POLN: variants seen among roughly 807,000 people sequenced by gnomAD.
POLN encodes the protein DNA polymerase nu.
Under a neutral mutation model 113.5 loss-of-function variants are expected in POLN, and 108 were observed. The ratio of observed to expected loss-of-function variants is 0.95; its 90% CI spans 0.81 to 1.12. The LOEUF (loss-of-function observed/expected upper bound fraction) is 1.12, where lower values mean the gene tolerates loss of function less well. POLN is among the 50% of genes most tolerant of loss of function. POLN has a pLI of 0.00. For synonymous variants in POLN, 386 were observed against 391.5 expected (o/e 0.99, Z 0.17); for missense variants, 1,097 against 1,077.1 (o/e 1.02, Z -0.26).
At chr4:2,129,282 A>G in intron 17 of POLN, 26 bp from the exon 18 acceptor site, 2 of 1,506,500 alleles carry the variant, frequency 1.3e-6, no homozygotes, top group Non-Finnish European at 1.8e-6. Context: ...AAGAGCATTT[A>G]GTGAATTTGG....
At chr4:2,211,250 AAAT>A (rs71167780) in intron 4 of POLN, among the ~76,000 whole-genome samples, 30,019 of 139,594 alleles carry the variant, frequency 0.22, 3,301 homozygotes, top group Admixed American at 0.31. Context: ...CTCCGTCTCC[AAAT>A]AATAATAATA....
chr4:2,220,640 T>C (rs1414712013), intron 3 of POLN, among the ~76,000 whole-genome samples: 2 of 152,230 alleles, frequency 1.3e-5, no homozygotes, highest in Admixed American at 6.5e-5. Flanking sequence ...CTGCTCTTGC[T>C]GGATTCTTTA....
At chr4:2,178,393 C>G (rs921230402) in intron 8 of POLN, among the ~76,000 whole-genome samples, 1 of 152,372 alleles carries the variant, frequency 6.6e-6, no homozygotes, top group Non-Finnish European at 1.5e-5. Context: ...TACCATGTAA[C>G]TGTTCACTGA....
intron 14 of POLN, among the ~76,000 whole-genome samples, chr4:2,158,303 C>A (rs1008496032): frequency 6.6e-6 from 1 of 152,100 alleles, no homozygotes; most frequent in Non-Finnish European, 1.5e-5. Context: ...GTGCCGGGCA[C>A]GTGCTGCTAC....
At chr4:2,170,827 A>G in intron 12 of POLN, 53 bp from the exon 13 acceptor site, 1 of 1,494,342 alleles carries the variant, frequency 6.7e-7, no homozygotes, top group Non-Finnish European at 9.3e-7. Flanking sequence ...TGAGAGAAAC[A>G]GAACATTACT....
At chr4:2,174,052 G>C (rs368689678) in intron 10 of POLN, 33 bp from the exon 11 acceptor site, 19 of 1,602,928 alleles carry the variant, frequency 1.2e-5, no homozygotes, top group Middle Eastern at 3.3e-4. Context: ...GATCATATTT[G>C]CATTAATGTA....
intron 20 of POLN, chr4:2,090,089 AG>A: frequency 1.1e-6 from 1 of 928,186 alleles, no homozygotes; most frequent in East Asian, 2.6e-5. Flanking sequence ...GAAAAATCAA[AG>A]GGTTTGCTAC....
intron 21 of POLN, among the ~76,000 whole-genome samples, chr4:2,085,008 T>G (rs1483313718): frequency 6.6e-6 from 1 of 152,266 alleles, no homozygotes; most frequent in African/African-American, 2.4e-5. Flanking sequence ...TTCCTTTACT[T>G]CTAAGTGAGG....
At chr4:2,188,099 G>C (rs566577261) in intron 7 of POLN, among the ~76,000 whole-genome samples, 1 of 152,224 alleles carries the variant, frequency 6.6e-6, no homozygotes, top group South Asian at 2.1e-4. Flanking sequence ...CTGGGTGACA[G>C]AGTGAGACCC....
chr4:2,217,708 G>C (rs964628954), intron 3 of POLN, among the ~76,000 whole-genome samples: 1 of 152,222 alleles, frequency 6.6e-6, no homozygotes, highest in African/African-American at 2.4e-5. Flanking sequence ...AGATTCTTCT[G>C]TTGGGGCTTT....
chr4:2,102,885 C>T (rs1730962974), intron 19 of POLN, among the ~76,000 whole-genome samples: 1 of 152,074 alleles, frequency 6.6e-6, no homozygotes, highest in Non-Finnish European at 1.5e-5. Context: ...AGGGTCCTAC[C>T]CAACCAACAG....
intron 5 of POLN, among the ~76,000 whole-genome samples, chr4:2,203,475 G>C (rs924764922): frequency 1.1e-4 from 16 of 151,774 alleles, no homozygotes; most frequent in African/African-American, 3.6e-4. Context: ...AGCTACTTAG[G>C]AGGCTGAGAC....
At chr4:2,092,764 C>T (rs1035648119) in intron 20 of POLN, among the ~76,000 whole-genome samples, 1 of 152,208 alleles carries the variant, frequency 6.6e-6, no homozygotes, top group African/African-American at 2.4e-5. Flanking sequence ...CACTACAATC[C>T]GCTGAAAGCT....
chr4:2,156,806 T>C lies in POLN; in HGVS notation c.1713A>G (p.Arg571=). The C allele has an allele frequency of 1.9e-6, 3 of 1,613,130 alleles. No individual in the cohort carries two copies. Among genetic ancestry groups the C allele is most frequent in the Non-Finnish European group, 2.5e-6 (3 of 1,179,052 alleles). The part of the protein sequence containing the change: ...TWNQTGTVTG[R]LSAKHPNIQG... ...AACTTACAGGATGCTTGGCTGAAAG[T>C]CTTCCAGTCACAGTTCCAGTCTGAT... The change falls in exon 16 of 26, where the codon AGA becomes AGG. Residue 571 remains arginine, a synonymous_variant. Coordinates refer to ENST00000511885, the MANE Select transcript of POLN (RefSeq NM_181808.4).
chr4:2,205,474 G>A (rs879629305), intron 5 of POLN, among the ~76,000 whole-genome samples: 1 of 152,190 alleles, frequency 6.6e-6, no homozygotes, highest in Non-Finnish European at 1.5e-5. Flanking sequence ...CCATGCTCAT[G>A]GAAGGGTAGA....
At chr4:2,112,283 C>T (rs1479205519) in intron 19 of POLN, among the ~76,000 whole-genome samples, 1 of 152,156 alleles carries the variant, frequency 6.6e-6, no homozygotes, top group African/African-American at 2.4e-5. Context: ...CATAAAAACC[C>T]TAGAAGAAAA....
At chr4:2,219,061 C>G (rs1174105822) in intron 3 of POLN, among the ~76,000 whole-genome samples, 1 of 152,148 alleles carries the variant, frequency 6.6e-6, no homozygotes, top group Non-Finnish European at 1.5e-5. Flanking sequence ...AGCTTACTCA[C>G]TAGGAGAGCT....
chr4:2,170,812 A>C (rs765238205), intron 12 of POLN, 38 bp from the exon 13 acceptor site: 2 of 1,557,458 alleles, frequency 1.3e-6, no homozygotes, highest in Non-Finnish European at 1.8e-6. Flanking sequence ...AGGGAATCTC[A>C]CATTTGAGAG....
At chr4:2,160,834 C>T (rs1382037186) in intron 13 of POLN, among the ~76,000 whole-genome samples, 1 of 152,168 alleles carries the variant, frequency 6.6e-6, no homozygotes, top group Non-Finnish European at 1.5e-5. Flanking sequence ...TTACCTACCT[C>T]AAGGCCTTAA....
Sources: gnomAD v4.1 joint callset for allele counts (sites outside exome capture counted in the v4.1 genomes callset) on GRCh38, gnomAD v4.1.1 for gene constraint, MANE v1.5 for transcripts, NCBI Gene and HGNC (gene_info 2026-07-23, HGNC 2026-07-21) for gene names.